CNTLN: variants seen among roughly 807,000 people sequenced by gnomAD.
CNTLN encodes centlein, centrosomal protein.
In CNTLN, 212 loss-of-function variants were observed where a neutral mutation model predicts 180.0. That is an observed-to-expected ratio of 1.18 (90% confidence interval 1.05 to 1.32). The LOEUF is 1.32. Among genes scored for constraint, CNTLN ranks in the 40% most tolerant of loss-of-function variants. The probability of loss-of-function intolerance (pLI) is 0.00; values close to 1 mark genes in which losing one functional copy is unlikely to be tolerated. For missense variants in CNTLN, 2,095 were observed against 1,610.9 expected (o/e 1.30, Z -5.14); for synonymous variants, 722 against 563.1 (o/e 1.28, Z -3.99).
chr9:17,313,403 G>A (rs1371055849), intron 8 of CNTLN, among the ~76,000 whole-genome samples: 1 of 148,858 alleles, frequency 6.7e-6, no homozygotes, highest in African/African-American at 2.5e-5. Context: ...CTTCCTTTTG[G>A]ATTAATTAAC....
At chr9:17,342,583 C>A in intron 12 of CNTLN, 139 bp downstream of exon 12, 1 of 746,184 alleles carries the variant, frequency 1.3e-6, no homozygotes, top group Non-Finnish European at 2.1e-6. Context: ...GAAAAAAAGA[C>A]TAGCTTTTAA....
chr9:17,333,179 T>A (rs913827095), intron 10 of CNTLN, among the ~76,000 whole-genome samples: 8 of 152,156 alleles, frequency 5.3e-5, no homozygotes, highest in East Asian at 1.9e-4. Context: ...ATATATATAT[T>A]TTTTCATTTC....
rs148037826 is a variant in CNTLN, at chr9:17,439,002, C to T, written c.3115-18522C>T. ...ATGATATACTTTATCATTCTCTATG[C>T]CAACTGCTGCTTATTAGAATCAGTT... On this transcript the variant is annotated intron_variant, in intron 18 of 25. Transcript: ENST00000380647. 1.5e-3 allele frequency among the ~76,000 whole-genome samples: 235 copies of T among 152,178 alleles called. 3 individuals are homozygous for T. Among genetic ancestry groups the T allele is most frequent in the Non-Finnish European group, 1.9e-3 (130 of 68,012 alleles).
rs1318569708 is a variant in CNTLN at position 17,288,284 on chromosome 9, G to A, written c.984-9906G>A. Among the ~76,000 whole-genome samples, 5 of 116,536 alleles carry A rather than the reference G, an allele frequency of 4.3e-5. 1 individual carries two copies. Among genetic ancestry groups the A allele is most frequent in the Admixed American group, 4.1e-4 (5 of 12,076 alleles). 76.5% of individuals were successfully genotyped at this position (116,536 alleles called of 152,430 possible). On this transcript the variant is annotated intron_variant, in intron 6 of 25. Transcript: ENST00000380647. ...TTATGTACCCAGTAGTCATTCAGGA[G>A]CAGGTTGTTCAGTTTCCATGTAGTT...
chr9:17,241,016 A>G (rs985313850), intron 5 of CNTLN, among the ~76,000 whole-genome samples: 2 of 151,850 alleles, frequency 1.3e-5, no homozygotes, highest in Non-Finnish European at 2.9e-5. Context: ...CCGGCACCAC[A>G]CCCGGCTAAT....
intron 8 of CNTLN, among the ~76,000 whole-genome samples, chr9:17,318,259 G>T (rs1337144870): frequency 6.6e-6 from 1 of 151,972 alleles, no homozygotes; most frequent in African/African-American, 2.4e-5. Flanking sequence ...TCGGTTTCCT[G>T]ACCTCGTGAT....
At chr9:17,398,034 A>G (rs1826670200) in intron 15 of CNTLN, among the ~76,000 whole-genome samples, 1 of 151,892 alleles carries the variant, frequency 6.6e-6, no homozygotes, top group African/African-American at 2.4e-5. Context: ...ATGTATATAT[A>G]TAATTTTGTA....
intron 5 of CNTLN, among the ~76,000 whole-genome samples, chr9:17,272,736 G>T (rs1008891585): frequency 6.6e-6 from 1 of 152,112 alleles, no homozygotes; most frequent in Non-Finnish European, 1.5e-5. Context: ...GAGCCCTTCT[G>T]TAGTCCCCAG....
At position 17,260,792 on chromosome 9, in the gene CNTLN, G is replaced by A. The variant is rs147988753; in HGVS notation, c.850-12941G>A. On this transcript the variant is annotated intron_variant, in intron 5 of 25. Transcript: ENST00000380647. ...GTGTCCAGAATGGTATTGCCTAGGT[G>A]GTCTTCAAAGGTTTTTTTAGCTTTT... is the stretch of plus-strand genomic sequence containing the variant. Among the ~76,000 whole-genome samples, 295 of 151,232 alleles carry A rather than the reference G, an allele frequency of 2.0e-3. 13 individuals are homozygous for A. Among genetic ancestry groups the A allele is most frequent in the African/African-American group, 7.0e-3 (285 of 40,852 alleles).
chr9:17,295,343 G>A (rs940459747), intron 6 of CNTLN, among the ~76,000 whole-genome samples: 16 of 152,208 alleles, frequency 1.1e-4, no homozygotes, highest in Admixed American at 3.9e-4. Context: ...CCAAGGTGGC[G>A]CGGAGAGCGA....
chr9:17,346,224 A>T lies in CNTLN; in HGVS notation c.1886+3780A>T, dbSNP rs754772851. On this transcript the variant is annotated intron_variant, in intron 12 of 25. Coordinates refer to ENST00000380647, the MANE Select transcript of CNTLN (RefSeq NM_017738.4). ...GAAGAGTCCCATATAAAACCATCAGATCTCACTAGCATGAGAACACACCAG... is the reference window on the plus strand; with the variant it reads ...GAAGAGTCCCATATAAAACCATCAGTTCTCACTAGCATGAGAACACACCAG... Among the ~76,000 whole-genome samples, 134 of 152,156 alleles carry T rather than the reference A, an allele frequency of 8.8e-4. 1 individual carries two copies. Among genetic ancestry groups the T allele is most frequent in the Admixed American group, 1.2e-3 (19 of 15,294 alleles).
intron 13 of CNTLN, among the ~76,000 whole-genome samples, chr9:17,377,451 T>C (rs763890514): frequency 3.9e-5 from 6 of 152,062 alleles, no homozygotes; most frequent in Admixed American, 1.3e-4. Flanking sequence ...TGAGACAGGA[T>C]AATCCCTTGA....
At chr9:17,492,432 AG>A in intron 25 of CNTLN, among the ~76,000 whole-genome samples, 1 of 152,254 alleles carries the variant, frequency 6.6e-6, no homozygotes, top group African/African-American at 2.4e-5. Context: ...CTTTATTAAC[AG>A]CTAATTCAAT....
intron 12 of CNTLN, among the ~76,000 whole-genome samples, chr9:17,348,312 C>T (rs528905128): frequency 5.9e-5 from 9 of 152,112 alleles, no homozygotes; most frequent in Non-Finnish European, 1.2e-4. Flanking sequence ...TATTTTGAGA[C>T]TGTGGATCTT....
chr9:17,508,598 G>A (rs553156832), downstream of CNTLN, among the ~76,000 whole-genome samples: 13 of 152,116 alleles, frequency 8.5e-5, no homozygotes, highest in East Asian at 3.9e-4. Context: ...ATCCCTGGCC[G>A]CCACCGACCT....
At chr9:17,176,373 A>G (rs1212627311) in intron 2 of CNTLN, among the ~76,000 whole-genome samples, 1 of 151,990 alleles carries the variant, frequency 6.6e-6, no homozygotes, top group African/African-American at 2.4e-5. Context: ...TCTTCTTCAG[A>G]CTGTTGATAT....
chr9:17,404,491 T>C (rs1252962227), intron 15 of CNTLN, among the ~76,000 whole-genome samples: 1 of 151,680 alleles, frequency 6.6e-6, no homozygotes, highest in Non-Finnish European at 1.5e-5. Context: ...CTGGCCATTT[T>C]GGATTCCCTA....
At chr9:17,505,447 C>A (rs1275614037), downstream of CNTLN, among the ~76,000 whole-genome samples, 1 of 151,926 alleles carries the variant, frequency 6.6e-6, no homozygotes, top group Non-Finnish European at 1.5e-5. Flanking sequence ...TCTCAAGATG[C>A]AAAATCAACA....
intron 25 of CNTLN, among the ~76,000 whole-genome samples, chr9:17,491,416 G>T (rs1288580590): frequency 2.0e-5 from 3 of 152,026 alleles, no homozygotes; most frequent in South Asian, 2.1e-4. Flanking sequence ...GTAGAATTAT[G>T]GGTGGGTAGA....
Sources: gnomAD v4.1 joint callset for allele counts (sites outside exome capture counted in the v4.1 genomes callset) on GRCh38, gnomAD v4.1.1 for gene constraint, MANE v1.5 for transcripts, NCBI Gene and HGNC (gene_info 2026-07-23, HGNC 2026-07-21) for gene names.